Variants in NRXN3 observed in about 807,000 individuals in gnomAD.
The protein encoded by NRXN3 is neurexin 3.
In NRXN3, 32 loss-of-function variants were observed where a neutral mutation model predicts 137.6. The ratio of observed to expected loss-of-function variants is 0.23; its 90% confidence interval spans 0.18 to 0.31. NRXN3 has a LOEUF of 0.31. NRXN3 is among the 10% of genes least tolerant of loss of function. The pLI is 1.00. For synonymous variants in NRXN3, 798 were observed against 784.5 expected (o/e 1.02, Z -0.29); for missense variants, 1,574 against 2,062.5 (o/e 0.76, Z 4.59).
chr14:79,486,836 G>C (rs1295223419), intron 16 of NRXN3, among the ~76,000 whole-genome samples: 1 of 151,722 alleles, frequency 6.6e-6, no homozygotes, highest in Non-Finnish European at 1.5e-5. Context: ...TCCAATCGGT[G>C]GTCTTAAAGG....
intron 15 of NRXN3, among the ~76,000 whole-genome samples, chr14:79,232,665 T>G (rs1030053301): frequency 1.7e-4 from 26 of 152,214 alleles, no homozygotes; most frequent in African/African-American, 6.3e-4. Flanking sequence ...TCAGTTAGGG[T>G]GACAGATCCA....
At chr14:78,405,727 A>T (rs1320427390) in intron 4 of NRXN3, among the ~76,000 whole-genome samples, 1 of 152,108 alleles carries the variant, frequency 6.6e-6, no homozygotes. Flanking sequence ...TGGCTCAGCT[A>T]ATATTCCCAG....
At chr14:78,370,498 G>T (rs1041745290) in intron 4 of NRXN3, among the ~76,000 whole-genome samples, 5 of 152,078 alleles carry the variant, frequency 3.3e-5, no homozygotes, top group Non-Finnish European at 5.9e-5. Flanking sequence ...ACTTATATAA[G>T]GTTGTATCAT....
chr14:78,892,634 CT>C lies in NRXN3; in HGVS notation c.2276-64604del, dbSNP rs1234572129. ...CAGAACTTGATGGTTGTAAATCAGT[CT>C]TTTCTTCCTCATTAAAATCACTTCA... On this transcript the variant is annotated intron_variant, in intron 10 of 20. Coordinates refer to ENST00000335750, the MANE Select transcript of NRXN3 (RefSeq NM_001330195.2). Among the ~76,000 whole-genome samples the C allele has an allele frequency of 3.3e-5, 5 of 150,784 alleles. No individual in the cohort carries two copies. The South Asian group carries it at 1.0e-3, about 31-fold the overall frequency.
chr14:78,291,181 A>AT (rs2075770494), intron 3 of NRXN3, among the ~76,000 whole-genome samples: 1 of 152,214 alleles, frequency 6.6e-6, no homozygotes, highest in African/African-American at 2.4e-5. Flanking sequence ...CATGGTTACC[A>AT]TCACAGGCTG....
At chr14:78,343,523 C>T (rs191691581) in intron 4 of NRXN3, among the ~76,000 whole-genome samples, 210 of 152,250 alleles carry the variant, frequency 1.4e-3, no homozygotes, top group African/African-American at 4.6e-3. Context: ...AGAGTACTTT[C>T]AAATGATTTT....
intron 3 of NRXN3, among the ~76,000 whole-genome samples, chr14:78,295,808 A>T (rs1882812): frequency 1.3e-4 from 19 of 151,886 alleles, no homozygotes; most frequent in Non-Finnish European, 2.1e-4. Flanking sequence ...GCAATGATAG[A>T]GGTTTTTACG....
intron 15 of NRXN3, among the ~76,000 whole-genome samples, chr14:79,273,172 C>CAAAAAAAAAAA (rs1163073631): frequency 4.8e-5 from 1 of 20,752 alleles, no homozygotes; most frequent in Non-Finnish European, 7.8e-5. Flanking sequence ...ACTCTGTGGC[C>CAAAAAAAAAAA]AAAAAAAAAA....
chr14:79,524,776 A>C (rs2153708061), intron 16 of NRXN3, among the ~76,000 whole-genome samples: 1 of 152,338 alleles, frequency 6.6e-6, no homozygotes, highest in Middle Eastern at 3.4e-3. Flanking sequence ...AGCCTTCAAA[A>C]TGAAGACCCA....
chr14:79,746,137 T>G (rs1248669770), intron 19 of NRXN3, among the ~76,000 whole-genome samples: 1 of 152,106 alleles, frequency 6.6e-6, no homozygotes, highest in Non-Finnish European at 1.5e-5. Flanking sequence ...TAGATCCCAA[T>G]CCATGGAGTT....
intron 8 of NRXN3, among the ~76,000 whole-genome samples, chr14:78,729,623 G>T (rs1346060252): frequency 6.6e-6 from 1 of 152,120 alleles, no homozygotes; most frequent in Admixed American, 6.5e-5. Flanking sequence ...AAAACTTTTG[G>T]CTCATCATAA....
At chr14:78,603,248 A>C (rs1296997680) in intron 4 of NRXN3, among the ~76,000 whole-genome samples, 2 of 152,114 alleles carry the variant, frequency 1.3e-5, no homozygotes, top group African/African-American at 4.8e-5. Flanking sequence ...GATGGCATTA[A>C]AAGGCCTGCC....
intron 8 of NRXN3, among the ~76,000 whole-genome samples, chr14:78,784,600 C>T (rs980910457): frequency 1.3e-5 from 2 of 152,146 alleles, no homozygotes; most frequent in African/African-American, 4.8e-5. Flanking sequence ...TGAAGTTATT[C>T]CCAGTGCATT....
intron 10 of NRXN3, among the ~76,000 whole-genome samples, chr14:78,831,386 A>G (rs2098981282): frequency 6.6e-6 from 1 of 151,858 alleles, no homozygotes; most frequent in South Asian, 2.1e-4. Flanking sequence ...AAATACAAAA[A>G]TTAGCCGGGC....
intron 10 of NRXN3, among the ~76,000 whole-genome samples, chr14:78,865,669 C>T (rs2099084912): frequency 6.6e-6 from 1 of 152,162 alleles, no homozygotes. Context: ...CAGTAAAATA[C>T]TCCTAGCATA....
chr14:79,271,608 T>G (rs1269684279), intron 15 of NRXN3, among the ~76,000 whole-genome samples: 1 of 150,716 alleles, frequency 6.6e-6, no homozygotes, highest in Non-Finnish European at 1.5e-5. Context: ...TCTCCTGCCG[T>G]GCCTTGCCTT....
At chr14:78,628,873 A>G (rs2097493159) in intron 4 of NRXN3, among the ~76,000 whole-genome samples, 1 of 152,178 alleles carries the variant, frequency 6.6e-6, no homozygotes, top group Non-Finnish European at 1.5e-5. Flanking sequence ...TACCCAAAAC[A>G]AACTCTTGTT....
rs117811659 is a variant in NRXN3 at position 79,802,062 on chromosome 14, T to A, written c.4015-3050T>A. ...TTTTTCTGAAAAAAAAAAAAAAAATTACATTTCTTCTTTTGGCCCATGCAA... is the reference window on the plus strand; with the variant it reads ...TTTTTCTGAAAAAAAAAAAAAAAATAACATTTCTTCTTTTGGCCCATGCAA... On this transcript the variant is annotated intron_variant, in intron 19 of 20. Transcript: ENST00000335750. 2.2e-3 allele frequency among the ~76,000 whole-genome samples: 330 copies of A among 152,004 alleles called. 9 individuals are homozygous for A. In the East Asian group the frequency reaches 0.043, roughly 20 times the overall value.
intron 16 of NRXN3, among the ~76,000 whole-genome samples, chr14:79,514,978 CT>C: frequency 6.6e-6 from 1 of 150,532 alleles, no homozygotes; most frequent in East Asian, 1.9e-4. Context: ...AGCTGACTCA[CT>C]GCACACTCTA....
Sources: gnomAD v4.1 joint callset for allele counts (sites outside exome capture counted in the v4.1 genomes callset) on GRCh38, gnomAD v4.1.1 for gene constraint, MANE v1.5 for transcripts, NCBI Gene and HGNC (gene_info 2026-07-23, HGNC 2026-07-21) for gene names.